The following FRA10AC1 variants were observed in gnomAD, a reference collection of about 807,000 sequenced individuals.
The protein encoded by FRA10AC1 is FRA10A associated CGG repeat 1.
In FRA10AC1, 43 loss-of-function variants were observed where a neutral mutation model predicts 56.5. The ratio of observed to expected loss-of-function variants is 0.76; its 90% CI spans 0.60 to 0.98. The LOEUF is 0.98. Among genes scored for constraint, FRA10AC1 ranks in the 50% least tolerant of loss-of-function variants. The pLI, the probability that FRA10AC1 is intolerant of heterozygous loss-of-function variation, is 0.00. For missense variants in FRA10AC1, 346 were observed against 351.8 expected (o/e 0.98, Z 0.13); for synonymous variants, 112 against 110.5 (o/e 1.01, Z -0.09).
chr10:93,669,874 T>C lies in FRA10AC1; in HGVS notation c.906-6A>G. The C allele has an allele frequency of 2.2e-6, 3 of 1,380,204 alleles. No homozygotes were observed. Among genetic ancestry groups the C allele is most frequent in the Admixed American group, 2.0e-5 (1 of 50,248 alleles). The allele number at this position is 1,380,204 out of a possible 1,614,324, so 85.5% of individuals were successfully genotyped here. A position where few individuals can be genotyped will look rare whatever the true frequency, so the allele number is the denominator to read the frequency against. ...ACTCATCAAATTCTTCTTCCCTATT[T>C]AAAAAAAAAAGCATACTTAAGATCA... On this transcript the variant is annotated splice_region_variant and splice_polypyrimidine_tract_variant and intron_variant, in intron 13 of 13. Coordinates refer to ENST00000359204, the MANE Select transcript of FRA10AC1 (RefSeq NM_145246.5).
chr10:93,698,183 T>C lies in FRA10AC1; in HGVS notation c.174-2A>G. 1 of 1,580,014 alleles carries C rather than the reference T, an allele frequency of 6.3e-7. No homozygotes were observed. Among genetic ancestry groups the C allele is most frequent in the Non-Finnish European group, 8.6e-7 (1 of 1,157,702 alleles). On this transcript the variant is annotated splice_acceptor_variant, in intron 3 of 13. Coordinates refer to ENST00000359204, the MANE Select transcript of FRA10AC1 (RefSeq NM_145246.5). LOFTEE classifies it high-confidence loss of function. ...AACCTTCTATTTCTTGCTTCTTCCC[T>C]GTTAAAACAAATTTTTTTAAGAAAA...
At chr10:93,684,029 T>C in intron 10 of FRA10AC1, 27 bp downstream of exon 10, 1 of 1,474,014 alleles carries the variant, frequency 6.8e-7, no homozygotes, top group Non-Finnish European at 9.5e-7. Flanking sequence ...TACTAAACAT[T>C]AAGAATGGCA....
intron 9 of FRA10AC1, 46 bp from the exon 10 acceptor site, chr10:93,684,144 A>C: frequency 7.5e-7 from 1 of 1,338,232 alleles, no homozygotes; most frequent in Non-Finnish European, 1.1e-6. Flanking sequence ...GAATAACCAC[A>C]CTGCTAATCT....
rs1250736914 is a variant in FRA10AC1, at chr10:93,702,516, ACCACCACCGCCGCCGCCGCCG to A, written c.-163_-143del. ...CGCCCTGCCGCACAGCCTCGCCACA[ACCACCACCGCCGCCGCCGCCG>A]CCGCCGCCGCCCGCAACCCGCCTCT... On this transcript the variant is annotated 5_prime_UTR_variant, in exon 1 of 14. Transcript: ENST00000359204. The A allele has an allele frequency of 6.6e-6, 1 of 151,818 alleles. No individual in the cohort carries two copies. Among genetic ancestry groups the A allele is most frequent in the African/African-American group, 3.9e-5 (1 of 25,696 alleles). 9.4% of individuals were successfully genotyped at this position (151,818 alleles called of 1,614,324 possible).
intron 7 of FRA10AC1, 63 bp downstream of exon 7, chr10:93,691,946 A>G (rs764967728): frequency 2.0e-6 from 3 of 1,470,488 alleles, no homozygotes; most frequent in South Asian, 2.6e-5. Context: ...GCATGACAGT[A>G]TAATAAAAGT....
intron 4 of FRA10AC1, among the ~76,000 whole-genome samples, chr10:93,697,053 A>G (rs2059245398): frequency 1.3e-5 from 2 of 152,224 alleles, no homozygotes; most frequent in Non-Finnish European, 2.9e-5. Flanking sequence ...CATGTATCCC[A>G]GAATTTAAAG....
At chr10:93,670,536 C>T (rs1386984688) in intron 13 of FRA10AC1, among the ~76,000 whole-genome samples, 1 of 151,984 alleles carries the variant, frequency 6.6e-6, no homozygotes, top group Non-Finnish European at 1.5e-5. Context: ...CAAGCAAGGA[C>T]CAGAGGTTCA....
Position 93,685,300 on chromosome 10 carries a change from C to G in FRA10AC1, c.571G>C (p.Val191Leu). ...CCATGCTCAATATAACCAAAATTAACTTCCCAACTCTTTAAGCCTTCTTTT... is the reference window on the plus strand; with the variant it reads ...CCATGCTCAATATAACCAAAATTAAGTTCCCAACTCTTTAAGCCTTCTTTT... ...DKKEGLKSWE[V>L]NFGYIEHGEK... Residue 191 changes from valine to leucine, a missense_variant, in exon 9 of 14, where the codon GTT (valine) becomes CTT (leucine). Physicochemically the swap from Val to Leu is conservative, Grantham distance 32. Coordinates refer to ENST00000359204, the MANE Select transcript of FRA10AC1 (RefSeq NM_145246.5). The G allele has an allele frequency of 6.3e-7, 1 of 1,590,312 alleles. No homozygotes were observed. Among genetic ancestry groups the G allele is most frequent in the Non-Finnish European group, 8.6e-7 (1 of 1,161,012 alleles).
chr10:93,680,347 G>A (rs780710237), intron 11 of FRA10AC1, among the ~76,000 whole-genome samples: 131 of 152,164 alleles, frequency 8.6e-4, no homozygotes, highest in Non-Finnish European at 1.7e-3. Flanking sequence ...AATTAAGATA[G>A]AGACAAAAAA....
intron 9 of FRA10AC1, among the ~76,000 whole-genome samples, chr10:93,684,704 T>G (rs1011791635): frequency 1.3e-5 from 2 of 152,086 alleles, no homozygotes; most frequent in Non-Finnish European, 2.9e-5. Context: ...AGCTGACACA[T>G]GAAGACTAAC....
rs548037931 is a variant in FRA10AC1, at chr10:93,690,171, A to T, written c.465+1838T>A. ...AGAGAAAATGCATCCTAGTGAGGGAACCAAAGGCATTACTCTTTCTCCAAC... is the reference window on the plus strand; with the variant it reads ...AGAGAAAATGCATCCTAGTGAGGGATCCAAAGGCATTACTCTTTCTCCAAC... On this transcript the variant is annotated intron_variant, in intron 7 of 13. Coordinates refer to ENST00000359204, the MANE Select transcript of FRA10AC1 (RefSeq NM_145246.5). 1.2e-3 allele frequency among the ~76,000 whole-genome samples: 178 copies of T among 152,232 alleles called. 2 individuals are homozygous for T. The highest frequency in any genetic ancestry group is 3.6e-3 in the African/African-American group (151 of 41,548).
chr10:93,683,928 C>T lies in FRA10AC1; in HGVS notation c.668+128G>A. The T allele has an allele frequency of 3.0e-6, 2 of 674,086 alleles. 1 individual carries two copies. Among genetic ancestry groups the T allele is most frequent in the South Asian group, 3.9e-5 (2 of 51,360 alleles). The allele number at this position is 674,086 out of a possible 1,614,324, so 41.8% of individuals were successfully genotyped here. On this transcript the variant is annotated intron_variant, in intron 10 of 13. Transcript: ENST00000359204. ...TCGTTTATGTAGCCATACGACAATGCCACATTTTCTACATGATCAACCAAT... is the reference window on the plus strand; with the variant it reads ...TCGTTTATGTAGCCATACGACAATGTCACATTTTCTACATGATCAACCAAT...
At chr10:93,679,739 G>A (rs533367067) in intron 11 of FRA10AC1, among the ~76,000 whole-genome samples, 1 of 152,154 alleles carries the variant, frequency 6.6e-6, no homozygotes, top group Non-Finnish European at 1.5e-5. Context: ...TATGGAGAAT[G>A]GATTAAGAGG....
At position 93,698,142 on chromosome 10, in the gene FRA10AC1, C is replaced by T; in HGVS notation, c.213G>A (p.Met71Ile). The change falls in exon 4 of 14, where the codon ATG (methionine) becomes ATA (isoleucine). Residue 71 changes from methionine (M) to isoleucine (I), a missense_variant. Physicochemically the swap from Met to Ile is conservative, Grantham distance 10. Coordinates refer to ENST00000359204, the MANE Select transcript of FRA10AC1 (RefSeq NM_145246.5). ...GGAAATAAAAAAAGGATACAGCATC[C>T]ATAGCTATGAGATGAAACCTTCTAT... ...ARNRRFHLIA[M>I]DAYQRHTKFV... 1.3e-6 allele frequency: 2 copies of T among 1,555,650 alleles called. No homozygotes were observed. Among genetic ancestry groups the T allele is most frequent in the Non-Finnish European group, 1.7e-6 (2 of 1,147,140 alleles).
chr10:93,700,997 C>G (rs1384461773), intron 1 of FRA10AC1, among the ~76,000 whole-genome samples: 1 of 152,046 alleles, frequency 6.6e-6, no homozygotes, highest in Non-Finnish European at 1.5e-5. Context: ...ACCTGGCAAA[C>G]TTAAAAAAAT....
chr10:93,700,911 C>T (rs1370059703), intron 1 of FRA10AC1, among the ~76,000 whole-genome samples: 1 of 152,146 alleles, frequency 6.6e-6, no homozygotes, highest in South Asian at 2.1e-4. Context: ...GGCTCACATC[C>T]TCAACCTCCT....
intron 12 of FRA10AC1, chr10:93,675,359 CAATA>C (rs1564811885): frequency 6.6e-6 from 1 of 152,056 alleles, no homozygotes; most frequent in African/African-American, 2.4e-5. Context: ...GAGTTTGCCA[CAATA>C]AATATTATTT....
chr10:93,678,905 T>G (rs1015495214), intron 11 of FRA10AC1, among the ~76,000 whole-genome samples: 8 of 150,994 alleles, frequency 5.3e-5, no homozygotes, highest in Admixed American at 3.3e-4. Context: ...GAAATAAAAT[T>G]AAAGGAAGTT....
At chr10:93,701,577 A>T (rs762649289) in intron 1 of FRA10AC1, among the ~76,000 whole-genome samples, 30 of 152,254 alleles carry the variant, frequency 2.0e-4, no homozygotes, top group Non-Finnish European at 2.5e-4. Context: ...GCCCCACTAA[A>T]ATCCTAGATA....
Sources: gnomAD v4.1 joint callset for allele counts (sites outside exome capture counted in the v4.1 genomes callset) on GRCh38, gnomAD v4.1.1 for gene constraint, MANE v1.5 for transcripts, NCBI Gene and HGNC (gene_info 2026-07-23, HGNC 2026-07-21) for gene names.